PCDHGB1: variants seen among roughly 807,000 people sequenced by gnomAD.
PCDHGB1 encodes protocadherin gamma-B1.
Under a neutral mutation model 56.6 loss-of-function variants are expected in PCDHGB1, and 34 were observed. The observed-to-expected ratio is 0.60, with a 90% CI of 0.46 to 0.80. The LOEUF is 0.80. Ranked by LOEUF, PCDHGB1 falls within the 30% of genes least tolerant of loss-of-function variation. PCDHGB1 has a pLI of 0.00. For synonymous variants in PCDHGB1, 561 were observed against 505.9 expected, an observed-to-expected ratio of 1.11 and a Z score of -1.46; for missense variants, 1,278 against 1,204.6, an observed-to-expected ratio of 1.06 and a Z score of -0.90.
At chr5:141,469,792 A>G (rs989190786) in intron 1 of PCDHGB1, among the ~76,000 whole-genome samples, 1 of 152,194 alleles carries the variant, frequency 6.6e-6, no homozygotes, top group African/African-American at 2.4e-5. Flanking sequence ...GTTATTTGTA[A>G]TTGCAAAAAC....
intron 1 of PCDHGB1, chr5:141,410,748 C>T (rs569108587): frequency 8.8e-6 from 11 of 1,245,288 alleles, no homozygotes; most frequent in Admixed American, 5.8e-5. Flanking sequence ...AATATTTTCT[C>T]AATGTTTTTT....
At chr5:141,352,707 C>T (rs1209047181) in intron 1 of PCDHGB1, 38 bp downstream of exon 1, 3 of 1,542,998 alleles carry the variant, frequency 1.9e-6, no homozygotes, top group South Asian at 2.4e-5. Flanking sequence ...TTATATATGG[C>T]GGCCGGGCGC....
In PCDHGB1 at chr5:141,350,478, A is replaced by T. The variant is rs527554810; in HGVS notation, c.218A>T (p.Asn73Ile). Residue 73 changes from asparagine (N) to isoleucine (I), a missense_variant, in exon 1 of 4, where the codon AAC (asparagine) becomes ATC (isoleucine). Physicochemically the swap from Asn to Ile is moderately radical, Grantham distance 149. Transcript: ENST00000523390. ...KLRVSAEDYFNVSLESGDLLV... is the reference protein window; with the variant it reads ...KLRVSAEDYFIVSLESGDLLV... ...CGGGTTAGTGCAGAGGATTATTTCA[A>T]CGTTAGTTTGGAGAGCGGGGATTTG... The T allele has an allele frequency of 6.2e-7, 1 of 1,614,010 alleles. No homozygotes were observed. Among genetic ancestry groups the T allele is most frequent in the Admixed American group, 1.7e-5 (1 of 60,026 alleles).
intron 2 of PCDHGB1, among the ~76,000 whole-genome samples, chr5:141,502,239 A>G (rs2099813426): frequency 6.6e-6 from 1 of 152,148 alleles, no homozygotes; most frequent in Admixed American, 6.5e-5. Flanking sequence ...GTGTTCTTTT[A>G]TCCTTTTTTT....
rs774079222 is a variant in PCDHGB1 at position 141,491,314 on chromosome 5, C to T, written c.2410-3493C>T. On this transcript the variant is annotated intron_variant, in intron 1 of 3. Coordinates refer to ENST00000523390, the MANE Select transcript of PCDHGB1 (RefSeq NM_018922.3). This position sits in a 1 kb window ranked among gnomAD's most constrained non-coding sequence, Gnocchi z 6.9. ...CCCTCCTGAGCGTTCAGACCTTACC[C>T]TTTACCTCATTGTGGCTCTAGCGAC... The T allele has an allele frequency of 1.9e-6, 3 of 1,614,182 alleles. No individual in the cohort carries two copies. In the South Asian group the frequency reaches 3.3e-5, roughly 18 times the overall value.
At chr5:141,396,764 T>C (rs1040059955) in intron 1 of PCDHGB1, 1 of 152,236 alleles carries the variant, frequency 6.6e-6, no homozygotes, top group Non-Finnish European at 1.5e-5. Context: ...CCAATAAATG[T>C]TTGTTATTAA....
chr5:141,364,639 G>A, intron 1 of PCDHGB1: 1 of 1,614,116 alleles, frequency 6.2e-7, no homozygotes. Flanking sequence ...CACTGTGTGT[G>A]GTGAACTTTA....
intron 1 of PCDHGB1, chr5:141,376,202 T>C: frequency 3.7e-6 from 6 of 1,614,174 alleles, no homozygotes; most frequent in Non-Finnish European, 4.2e-6. Context: ...CTTCCTGGCC[T>C]TCGTCATCGT....
At chr5:141,393,183 A>T in intron 1 of PCDHGB1, 1 of 1,613,370 alleles carries the variant, frequency 6.2e-7, no homozygotes, top group Non-Finnish European at 8.5e-7. Context: ...AATAGAAATA[A>T]TTGATATTAA....
chr5:141,418,246 C>T lies in PCDHGB1; in HGVS notation c.2409+65577C>T, dbSNP rs200526306. 4.5e-5 allele frequency: 72 copies of T among 1,614,020 alleles called. No individual in the cohort carries two copies. The African/African-American group carries it at 8.9e-4, about 20-fold the overall frequency. On this transcript the variant is annotated intron_variant, in intron 1 of 3. Coordinates refer to ENST00000523390, the MANE Select transcript of PCDHGB1 (RefSeq NM_018922.3). The stretch of plus-strand genomic sequence containing the variant: ...TGGTGATTGAGGATGTTAATGACCA[C>T]GCCCCTCAATTCCGGAAAGATGAAA...
At chr5:141,444,813 T>A (rs1382814369) in intron 1 of PCDHGB1, among the ~76,000 whole-genome samples, 3 of 152,228 alleles carry the variant, frequency 2.0e-5, no homozygotes, top group African/African-American at 4.8e-5. Flanking sequence ...AATAGCACAC[T>A]GTCTCAATTA....
At chr5:141,408,059 C>T in intron 1 of PCDHGB1, 1 of 1,317,324 alleles carries the variant, frequency 7.6e-7, no homozygotes, top group Non-Finnish European at 1.0e-6. Flanking sequence ...AGCCTCCCGG[C>T]TGCGCAGACC....
intron 1 of PCDHGB1, among the ~76,000 whole-genome samples, chr5:141,465,347 G>A (rs2099101721): frequency 6.6e-6 from 1 of 151,938 alleles, no homozygotes; most frequent in South Asian, 2.1e-4. Context: ...GGTTACTGAA[G>A]AAAAAATGGG....
chr5:141,370,204 A>G, intron 1 of PCDHGB1: 1 of 545,938 alleles, frequency 1.8e-6, no homozygotes, highest in Non-Finnish European at 3.1e-6. Flanking sequence ...TGTGCAAAAT[A>G]TTGGCTCCTC....
Position 141,476,793 on chromosome 5 carries a change from C to T in PCDHGB1, c.2410-18014C>T, listed in dbSNP as rs754785656. ...GACGGAGGGACCCCAGCTCTCTCCG[C>T]CAGCCTGCCTATTCACATCAAGGTG... On this transcript the variant is annotated intron_variant, in intron 1 of 3. Transcript: ENST00000523390. The surrounding 1 kb of genome is among the most constrained non-coding windows in gnomAD (Gnocchi z 7.6). 1.2e-6 allele frequency: 2 copies of T among 1,613,642 alleles called. No homozygotes were observed. The highest frequency in any genetic ancestry group is 2.2e-5 in the East Asian group (1 of 44,868).
In PCDHGB1 at chr5:141,404,391, A is replaced by T. The variant is rs773558298; in HGVS notation, c.2409+51722A>T. On this transcript the variant is annotated intron_variant, in intron 1 of 3. Transcript: ENST00000523390. ...TTCTCCGTGATTGCCTATGACCCTG[A>T]TAGCAATGAGAATTCTAGAGTTATT... 3.7e-6 allele frequency: 6 copies of T among 1,613,806 alleles called. No homozygotes were observed. Among genetic ancestry groups the T allele is most frequent in the Non-Finnish European group, 5.1e-6 (6 of 1,179,894 alleles).
chr5:141,422,828 T>C (rs1273420440), intron 1 of PCDHGB1: 2 of 1,614,232 alleles, frequency 1.2e-6, no homozygotes, highest in East Asian at 4.5e-5. Context: ...CTGAGAGTGA[T>C]AGCACGTGAC....
At position 141,371,642 on chromosome 5, in the gene PCDHGB1, A is replaced by G. The variant is rs774578258; in HGVS notation, c.2409+18973A>G. 5.0e-6 allele frequency: 8 copies of G among 1,613,946 alleles called. No individual in the cohort carries two copies. In the Admixed American group the frequency reaches 5.0e-5, roughly 10 times the overall value. ...GAGCCCTGGACCGGGAGCAGATCCC[A>G]GAATACAATGTGACGATCACAGCTA... On this transcript the variant is annotated intron_variant, in intron 1 of 3. Coordinates refer to ENST00000523390, the MANE Select transcript of PCDHGB1 (RefSeq NM_018922.3).
At chr5:141,371,129 C>T (rs779236316) in intron 1 of PCDHGB1, 2 of 1,614,012 alleles carry the variant, frequency 1.2e-6, no homozygotes, top group East Asian at 2.2e-5. Context: ...TTACTCAGGA[C>T]ATGTACAGGG....
Sources: gnomAD v4.1 joint callset for allele counts (sites outside exome capture counted in the v4.1 genomes callset) on GRCh38, gnomAD v4.1.1 for gene constraint, Gnocchi (gnomAD v3.1) non-coding constraint, MANE v1.5 for transcripts, NCBI Gene and HGNC (gene_info 2026-07-23, HGNC 2026-07-21) for gene names.